The following PRKCZ variants were observed in gnomAD, a reference collection of about 807,000 sequenced individuals.
PRKCZ encodes protein kinase C zeta.
In PRKCZ, 33 loss-of-function variants were observed where a neutral mutation model predicts 79.5. That is an observed-to-expected ratio of 0.41 (90% CI 0.31 to 0.55). The LOEUF (loss-of-function observed/expected upper bound fraction) is 0.55, where lower values mean the gene tolerates loss of function less well. Among genes scored for constraint, PRKCZ ranks in the 20% least tolerant of loss-of-function variants. PRKCZ has a pLI of 0.19. For missense variants in PRKCZ, 578 were observed against 813.5 expected (o/e 0.71, Z 3.52); for synonymous variants, 342 against 320.9 (o/e 1.07, Z -0.70).
chr1:2,173,907 G>A lies in PRKCZ; in HGVS notation c.1296G>A (p.Val432=). The A allele has an allele frequency of 1.9e-6, 3 of 1,610,890 alleles. No individual in the cohort carries two copies. Among genetic ancestry groups the A allele is most frequent in the Non-Finnish European group, 2.5e-6 (3 of 1,178,324 alleles). ...TGTGCTCTCCCCCAGGGTTCAGCGTGGACTGGTGGGCGCTGGGAGTCCTCA... is the reference window on the plus strand; with the variant it reads ...TGTGCTCTCCCCCAGGGTTCAGCGTAGACTGGTGGGCGCTGGGAGTCCTCA... ...ILRGEEYGFS[V]DWWALGVLMF... is the part of the protein sequence containing the mutation. The change falls in exon 14 of 18, where the codon GTG becomes GTA. Residue 432 remains valine (V), a synonymous_variant. Coordinates refer to ENST00000378567, the MANE Select transcript of PRKCZ (RefSeq NM_002744.6). The surrounding 1 kb of genome is among the most constrained non-coding windows in gnomAD (Gnocchi z 5.7).
At chr1:2,135,552 C>T (rs1467956218) in intron 5 of PRKCZ, among the ~76,000 whole-genome samples, 1 of 152,236 alleles carries the variant, frequency 6.6e-6, no homozygotes, top group Non-Finnish European at 1.5e-5. Flanking sequence ...CGGGCCTTTC[C>T]CTGCGTGGTG....
chr1:2,147,642 TCCA>T, intron 7 of PRKCZ, among the ~76,000 whole-genome samples: 4 of 151,098 alleles, frequency 2.6e-5, no homozygotes, highest in African/African-American at 9.8e-5. Context: ...TCTCCATCTA[TCCA>T]TCCATCTATT....
chr1:2,090,814 A>C (rs568527719), intron 4 of PRKCZ, among the ~76,000 whole-genome samples: 2 of 152,188 alleles, frequency 1.3e-5, no homozygotes, highest in East Asian at 3.8e-4. Flanking sequence ...TGGTTTTAAC[A>C]TTTGGTTTAC....
intron 4 of PRKCZ, among the ~76,000 whole-genome samples, chr1:2,095,923 C>T (rs1186548866): frequency 7.4e-6 from 1 of 134,604 alleles, no homozygotes; most frequent in Admixed American, 7.3e-5. Flanking sequence ...CTCTCCCCTC[C>T]CTTCCCCTCT....
At chr1:2,171,174 T>G (rs1239839937) in intron 11 of PRKCZ, among the ~76,000 whole-genome samples, 1 of 151,696 alleles carries the variant, frequency 6.6e-6, no homozygotes, top group Non-Finnish European at 1.5e-5. Context: ...AAACCCTGTC[T>G]CTACTAAAAA....
At position 2,121,735 on chromosome 1, in the gene PRKCZ, G is replaced by A. The variant is rs1337083672; in HGVS notation, c.335-13527G>A. ...GTAGTTAGGGTCACGGCGGTACTTA[G>A]GGTCACGGCGGTGGTTAGGGTCACG... On this transcript the variant is annotated intron_variant, in intron 4 of 17. Coordinates refer to ENST00000378567, the MANE Select transcript of PRKCZ (RefSeq NM_002744.6). 3.7e-4 allele frequency among the ~76,000 whole-genome samples: 35 copies of A among 94,984 alleles called. 4 individuals carry two copies. Among genetic ancestry groups the A allele is most frequent in the African/African-American group, 1.5e-3 (32 of 21,990 alleles). 62.3% of individuals were successfully genotyped at this position (94,984 alleles called of 152,430 possible).
chr1:2,104,891 T>C, intron 4 of PRKCZ: 1 of 985,452 alleles, frequency 1.0e-6, no homozygotes, highest in Non-Finnish European at 1.2e-6. Flanking sequence ...AGAGCAGTTT[T>C]CAGGGTGAGT....
chr1:2,150,676 G>C (rs1380390691), intron 8 of PRKCZ, 114 bp from the exon 9 acceptor site: 4 of 1,067,096 alleles, frequency 3.7e-6, no homozygotes, highest in Non-Finnish European at 5.4e-6. Context: ...CGAATCATGA[G>C]GCCCTGGGCT....
At chr1:2,141,178 C>A (rs1677231290) in intron 5 of PRKCZ, 1 of 152,066 alleles carries the variant, frequency 6.6e-6, no homozygotes, top group Non-Finnish European at 1.5e-5. Flanking sequence ...TGGGCAGCCT[C>A]ACTTACAAAG....
In PRKCZ at chr1:2,144,359, G is replaced by C. The variant is rs1310049936; in HGVS notation, c.552+18G>C. The C allele has an allele frequency of 6.4e-6, 10 of 1,561,184 alleles. No homozygotes were observed. Among genetic ancestry groups the C allele is most frequent in the Non-Finnish European group, 8.7e-6 (10 of 1,151,922 alleles). On this transcript the variant is annotated intron_variant, in intron 6 of 17. Transcript: ENST00000378567. ...AGCATATGGTGAGTGGCAGGGCTGG[G>C]GAGGCCCGGGGGGCACGGGCGGGGT...
chr1:2,154,613 G>A (rs575803369), intron 9 of PRKCZ, among the ~76,000 whole-genome samples: 7 of 152,318 alleles, frequency 4.6e-5, no homozygotes, highest in Middle Eastern at 3.4e-3. Flanking sequence ...TGGGAGGATC[G>A]CTGGAGCTCC....
At chr1:2,059,964 G>A (rs2102240109) in intron 4 of PRKCZ, among the ~76,000 whole-genome samples, 1 of 152,334 alleles carries the variant, frequency 6.6e-6, no homozygotes, top group Admixed American at 6.5e-5. Context: ...TGGCCCCTGA[G>A]CTGGTGTGGG....
At chr1:2,062,912 C>T (rs1304281541) in intron 4 of PRKCZ, among the ~76,000 whole-genome samples, 1 of 152,192 alleles carries the variant, frequency 6.6e-6, no homozygotes, top group Non-Finnish European at 1.5e-5. Flanking sequence ...CCTCTGTCTC[C>T]ATGAAACACT....
chr1:2,144,308 C>G lies in PRKCZ; in HGVS notation c.519C>G (p.His173Gln). The change falls in exon 6 of 18, where the codon CAC (histidine) becomes CAG (glutamine). Residue 173 changes from histidine (H) to glutamine (Q), a missense_variant. His to Gln is a conservative substitution (Grantham distance 24, BLOSUM62 0). Transcript: ENST00000378567. Reference sequence around the variant, plus strand: ...AACTGCTGGTCCATAAGCGCTGCCACGGCCTCGTCCCGCTGACCTGCAGGA... The same window carrying G: ...AACTGCTGGTCCATAAGCGCTGCCAGGGCCTCGTCCCGCTGACCTGCAGGA... The part of the protein sequence containing the change: ...NCKLLVHKRC[H>Q]GLVPLTCRKH... 1 of 1,574,984 alleles carries G rather than the reference C, an allele frequency of 6.3e-7. No individual in the cohort carries two copies. The highest frequency in any genetic ancestry group is 8.6e-7 in the Non-Finnish European group (1 of 1,159,852).
intron 4 of PRKCZ, chr1:2,134,970 A>G (rs890082658): frequency 4.3e-5 from 11 of 255,014 alleles, no homozygotes; most frequent in Middle Eastern, 2.7e-3. Context: ...TCACGGCTCC[A>G]CTGTCAGCAA....
chr1:2,086,885 G>C (rs1015366509), intron 4 of PRKCZ, among the ~76,000 whole-genome samples: 10 of 152,226 alleles, frequency 6.6e-5, no homozygotes, highest in Admixed American at 6.5e-4. Context: ...AGCAGACCCA[G>C]CCAGGCCAGG....
intron 4 of PRKCZ, among the ~76,000 whole-genome samples, chr1:2,126,031 G>A (rs879651642): frequency 4.6e-5 from 7 of 152,156 alleles, no homozygotes; most frequent in Admixed American, 2.6e-4. Context: ...GAAGGCTGTC[G>A]CCCGATCGCT....
In PRKCZ at chr1:2,185,002, C is replaced by T. The variant is rs749088820; in HGVS notation, c.1772C>T (p.Ser591Leu). 1.2e-6 allele frequency: 2 copies of T among 1,612,442 alleles called. No individual in the cohort carries two copies. The highest frequency in any genetic ancestry group is 2.2e-5 in the South Asian group (2 of 90,762). The change falls in exon 18 of 18, where the codon TCG becomes TTG. Residue 591 changes from serine (S) to leucine (L), a missense_variant. Coordinates refer to ENST00000378567, the MANE Select transcript of PRKCZ (RefSeq NM_002744.6). ...INPLLLSTEE[S>L]V ...CCATTATTGCTGTCCACCGAGGAGTCGGTGTGAGGCCGCGTGCGTCTCTGT... is the reference window on the plus strand; with the variant it reads ...CCATTATTGCTGTCCACCGAGGAGTTGGTGTGAGGCCGCGTGCGTCTCTGT...
intron 4 of PRKCZ, among the ~76,000 whole-genome samples, chr1:2,111,232 AAAAG>A (rs1390232928): frequency 6.6e-6 from 1 of 151,924 alleles, no homozygotes; most frequent in Non-Finnish European, 1.5e-5. Context: ...GTGCTGTGGG[AAAAG>A]AAAGAGGCAG....
Sources: allele counts gnomAD v4.1 joint callset (sites outside exome capture counted in the v4.1 genomes callset), GRCh38; gene constraint gnomAD v4.1.1; non-coding constraint Gnocchi (gnomAD v3.1); transcripts MANE v1.5; gene names NCBI Gene and HGNC (gene_info 2026-07-23, HGNC 2026-07-21).